Variants in SPOCK3 observed in about 807,000 individuals in gnomAD.
SPOCK3 encodes the protein testican-3.
A neutral mutation model predicts 56.6 loss-of-function variants in SPOCK3; 30 were observed. The ratio of observed to expected loss-of-function variants is 0.53; its 90% CI spans 0.40 to 0.72. The LOEUF (loss-of-function observed/expected upper bound fraction) is 0.72. Among genes scored for constraint, SPOCK3 ranks in the 30% least tolerant of loss-of-function variants. The probability of loss-of-function intolerance (pLI) is 0.00; values close to 1 mark genes in which losing one functional copy is unlikely to be tolerated. For synonymous variants in SPOCK3, 196 were observed against 183.3 expected (o/e 1.07, Z -0.56); for missense variants, 527 against 530.0 (o/e 0.99, Z 0.06).
At chr4:166,808,315 A>G (rs924364973) in intron 6 of SPOCK3, among the ~76,000 whole-genome samples, 12 of 151,944 alleles carry the variant, frequency 7.9e-5, no homozygotes, top group African/African-American at 2.9e-4. Flanking sequence ...TCCCAAACAC[A>G]TATGTTGAAG....
intron 2 of SPOCK3, among the ~76,000 whole-genome samples, chr4:167,110,618 G>A (rs80144489): frequency 0.012 from 1,810 of 151,888 alleles, 25 homozygotes; most frequent in African/African-American, 0.038. Context: ...CTTCATTTGC[G>A]TTCTATTTAA....
intron 2 of SPOCK3, among the ~76,000 whole-genome samples, chr4:167,120,588 G>A (rs1440923054): frequency 3.9e-5 from 6 of 151,974 alleles, no homozygotes; most frequent in African/African-American, 1.4e-4. Context: ...AGTAATTTCT[G>A]TTAGCATACA....
intron 8 of SPOCK3, among the ~76,000 whole-genome samples, chr4:166,750,651 C>A (rs1368147016): frequency 6.6e-6 from 1 of 152,052 alleles, no homozygotes; most frequent in African/African-American, 2.4e-5. Context: ...CAAACCCCTA[C>A]ATTGGAGTCA....
At chr4:167,112,092 G>A (rs1439164906) in intron 2 of SPOCK3, among the ~76,000 whole-genome samples, 2 of 152,164 alleles carry the variant, frequency 1.3e-5, no homozygotes, top group East Asian at 3.9e-4. Context: ...TTAGTTTGGT[G>A]AAACATTCAA....
At chr4:166,916,654 CA>C (rs1403312277) in intron 4 of SPOCK3, among the ~76,000 whole-genome samples, 3 of 130,938 alleles carry the variant, frequency 2.3e-5, no homozygotes, top group African/African-American at 7.5e-5. Flanking sequence ...AGCAAAAAAA[CA>C]AAAACCACAA....
chr4:166,892,016 TTGAA>T (rs1734838340), intron 5 of SPOCK3, among the ~76,000 whole-genome samples: 1 of 152,064 alleles, frequency 6.6e-6, no homozygotes, highest in South Asian at 2.1e-4. Context: ...TGGCTAATAC[TTGAA>T]TGAACAACAA....
intron 2 of SPOCK3, among the ~76,000 whole-genome samples, chr4:167,129,376 T>G (rs1418004275): frequency 6.6e-6 from 1 of 152,184 alleles, no homozygotes; most frequent in Non-Finnish European, 1.5e-5. Flanking sequence ...GGAATATTAC[T>G]GGCAACACAC....
At chr4:167,201,741 T>G (rs1335082048) in intron 2 of SPOCK3, among the ~76,000 whole-genome samples, 1 of 151,834 alleles carries the variant, frequency 6.6e-6, no homozygotes, top group African/African-American at 2.4e-5. Flanking sequence ...ACATTGCATC[T>G]GGTAGTTCTG....
intron 2 of SPOCK3, among the ~76,000 whole-genome samples, chr4:167,230,901 G>T (rs2111175500): frequency 6.6e-6 from 1 of 152,158 alleles, no homozygotes; most frequent in Middle Eastern, 3.4e-3. Flanking sequence ...AATACTTGAG[G>T]TTTCTCCTGT....
chr4:166,945,776 C>T (rs1741650877), intron 4 of SPOCK3, among the ~76,000 whole-genome samples: 1 of 152,212 alleles, frequency 6.6e-6, no homozygotes, highest in Admixed American at 6.5e-5. Flanking sequence ...CCTGCTTCTA[C>T]TGTTCAGGCT....
intron 4 of SPOCK3, among the ~76,000 whole-genome samples, chr4:166,948,419 T>C (rs1255637860): frequency 1.3e-5 from 2 of 152,154 alleles, no homozygotes; most frequent in Non-Finnish European, 2.9e-5. Context: ...AGTTTTATAT[T>C]TTTTTGAGGA....
intron 4 of SPOCK3, among the ~76,000 whole-genome samples, chr4:166,914,446 G>C (rs1737622436): frequency 6.6e-6 from 1 of 152,064 alleles, no homozygotes; most frequent in Admixed American, 6.6e-5. Flanking sequence ...AATTTAAAGA[G>C]TAAATATAAC....
At chr4:166,791,963 T>C (rs1304706991) in intron 7 of SPOCK3, among the ~76,000 whole-genome samples, 1 of 152,198 alleles carries the variant, frequency 6.6e-6, no homozygotes, top group Non-Finnish European at 1.5e-5. Flanking sequence ...TGAGGAGACA[T>C]TCCCTTTTCC....
chr4:166,893,358 A>G (rs1397374375), intron 5 of SPOCK3, among the ~76,000 whole-genome samples: 3 of 152,162 alleles, frequency 2.0e-5, no homozygotes, highest in Non-Finnish European at 2.9e-5. Flanking sequence ...CCAACTGTCA[A>G]TAACAATTCT....
intron 2 of SPOCK3, among the ~76,000 whole-genome samples, chr4:167,065,745 A>G (rs1165955094): frequency 6.6e-6 from 1 of 151,950 alleles, no homozygotes; most frequent in East Asian, 1.9e-4. Flanking sequence ...AGGATGAGAA[A>G]TAAAAGTATT....
At chr4:167,012,991 A>G (rs1750241982) in intron 3 of SPOCK3, among the ~76,000 whole-genome samples, 1 of 151,916 alleles carries the variant, frequency 6.6e-6, no homozygotes, top group East Asian at 1.9e-4. Context: ...TTGTGGTACT[A>G]AAAGTGATTA....
intron 2 of SPOCK3, among the ~76,000 whole-genome samples, chr4:167,073,828 T>C (rs566905335): frequency 6.6e-6 from 1 of 152,078 alleles, no homozygotes; most frequent in South Asian, 2.1e-4. Context: ...CTAAAATCTT[T>C]GAACTAAAAT....
At chr4:167,143,730 C>A (rs1441522587) in intron 2 of SPOCK3, among the ~76,000 whole-genome samples, 4 of 151,922 alleles carry the variant, frequency 2.6e-5, no homozygotes, top group Non-Finnish European at 4.4e-5. Flanking sequence ...AAATGGAAAA[C>A]CCTGAGTTCA....
rs371215929 is a variant in SPOCK3 at position 166,815,092 on chromosome 4, T to C, written c.590-22803A>G. Among the ~76,000 whole-genome samples the C allele has an allele frequency of 9.2e-5, 14 of 152,114 alleles. No individual in the cohort carries two copies. In the East Asian group the frequency reaches 9.7e-4, roughly 11 times the overall value. On this transcript the variant is annotated intron_variant, in intron 6 of 10. Coordinates refer to ENST00000357545, the MANE Select transcript of SPOCK3 (RefSeq NM_001040159.2). ...TTTTTGAAGTTCCCTTGTGTATGCA[T>C]ATTCATTTCTTAAAATGACTGTTAG...
Sources: gnomAD v4.1 joint callset for allele counts (sites outside exome capture counted in the v4.1 genomes callset) on GRCh38, gnomAD v4.1.1 for gene constraint, MANE v1.5 for transcripts, NCBI Gene and HGNC (gene_info 2026-07-23, HGNC 2026-07-21) for gene names.